Variants in HS3ST4 observed in about 807,000 individuals in gnomAD.
HS3ST4 encodes the protein heparan sulfate glucosamine 3-O-sulfotransferase 4.
In HS3ST4, 17 loss-of-function variants were observed where a neutral mutation model predicts 29.2. That is an observed-to-expected ratio of 0.58 (90% confidence interval 0.40 to 0.87). HS3ST4 has a LOEUF of 0.87. Among genes scored for constraint, HS3ST4 ranks in the 40% least tolerant of loss-of-function variants. The pLI is 0.00. For missense variants in HS3ST4, 627 were observed against 634.5 expected, an observed-to-expected ratio of 0.99 and a Z score of 0.13; for synonymous variants, 314 against 285.7, an observed-to-expected ratio of 1.10 and a Z score of -1.00.
chr16:25,932,301 A>G (rs1327071305), intron 1 of HS3ST4, among the ~76,000 whole-genome samples: 1 of 152,192 alleles, frequency 6.6e-6, no homozygotes, highest in Admixed American at 6.5e-5. Flanking sequence ...CTGCAGGGCA[A>G]GACCTTGTCT....
At chr16:25,886,576 G>T (rs987060566) in intron 1 of HS3ST4, among the ~76,000 whole-genome samples, 3 of 152,196 alleles carry the variant, frequency 2.0e-5, no homozygotes, top group African/African-American at 7.2e-5. Context: ...TCTTTAGGGT[G>T]AGAAAGTTCT....
intron 1 of HS3ST4, among the ~76,000 whole-genome samples, chr16:26,077,825 C>A (rs1898680173): frequency 6.6e-6 from 1 of 152,244 alleles, no homozygotes; most frequent in South Asian, 2.1e-4. Flanking sequence ...AATTCCAACA[C>A]TTTAGGAATC....
At chr16:26,118,895 A>G (rs1205907321) in intron 1 of HS3ST4, among the ~76,000 whole-genome samples, 3 of 152,356 alleles carry the variant, frequency 2.0e-5, no homozygotes, top group East Asian at 3.9e-4. Context: ...TTTTTGTAAC[A>G]TAATGAGACA....
In HS3ST4 at chr16:25,869,258, G is replaced by A. The variant is rs556428227; in HGVS notation, c.734+176107G>A. Among the ~76,000 whole-genome samples the A allele has an allele frequency of 3.9e-5, 6 of 152,164 alleles. No homozygotes were observed. In the East Asian group the frequency reaches 9.7e-4, roughly 25 times the overall value. ...TGGTGTGGGTTCACAGCTTCCCCTA[G>A]AGGAAGAGAGAGTCTGGAAAGTCTG... is the stretch of plus-strand genomic sequence containing the variant. On this transcript the variant is annotated intron_variant, in intron 1 of 1. Transcript: ENST00000331351.
At chr16:25,737,021 G>A (rs1433366589) in intron 1 of HS3ST4, among the ~76,000 whole-genome samples, 1 of 151,710 alleles carries the variant, frequency 6.6e-6, no homozygotes, top group Non-Finnish European at 1.5e-5. Flanking sequence ...GCTAATTTTT[G>A]TATTTTTGTA....
chr16:25,938,726 C>T (rs960767415), intron 1 of HS3ST4, among the ~76,000 whole-genome samples: 1 of 152,168 alleles, frequency 6.6e-6, no homozygotes, highest in Non-Finnish European at 1.5e-5. Context: ...TTTTCCATGT[C>T]CCCTGTCTAC....
chr16:26,062,479 C>T (rs1368946507), intron 1 of HS3ST4, among the ~76,000 whole-genome samples: 8 of 152,162 alleles, frequency 5.3e-5, no homozygotes, highest in Non-Finnish European at 1.2e-4. Context: ...CCGACTTTGC[C>T]TTATTCATCC....
At chr16:25,945,131 G>A (rs547911583) in intron 1 of HS3ST4, among the ~76,000 whole-genome samples, 1 of 152,224 alleles carries the variant, frequency 6.6e-6, no homozygotes, top group African/African-American at 2.4e-5. Flanking sequence ...ATAGTATAAT[G>A]TATCAGACCA....
intron 1 of HS3ST4, among the ~76,000 whole-genome samples, chr16:26,022,252 A>G (rs767707035): frequency 3.3e-5 from 5 of 152,208 alleles, no homozygotes; most frequent in Admixed American, 6.5e-5. Flanking sequence ...TCTATGCATT[A>G]GCCATGGCAA....
chr16:26,133,441 T>G (rs936305311), intron 1 of HS3ST4, among the ~76,000 whole-genome samples: 1 of 152,210 alleles, frequency 6.6e-6, no homozygotes, highest in African/African-American at 2.4e-5. Flanking sequence ...TTCCTCCAAA[T>G]TAGACAAATT....
At chr16:25,758,753 T>G (rs1474174845) in intron 1 of HS3ST4, among the ~76,000 whole-genome samples, 1 of 151,960 alleles carries the variant, frequency 6.6e-6, no homozygotes, top group Admixed American at 6.6e-5. Flanking sequence ...GTTGGGAGTT[T>G]GAAACCAGCC....
chr16:25,994,138 A>G (rs954214121), intron 1 of HS3ST4, among the ~76,000 whole-genome samples: 5 of 152,068 alleles, frequency 3.3e-5, no homozygotes, highest in African/African-American at 1.2e-4. Context: ...TCCAAATACC[A>G]TCACATTTGG....
chr16:25,865,600 CA>C (rs921407694), intron 1 of HS3ST4, among the ~76,000 whole-genome samples: 2 of 152,170 alleles, frequency 1.3e-5, no homozygotes, highest in Non-Finnish European at 2.9e-5. Context: ...ATCAAATCTG[CA>C]TGGTACTGGG....
At chr16:25,824,947 C>G (rs1359895367) in intron 1 of HS3ST4, 3 of 152,152 alleles carry the variant, frequency 2.0e-5, no homozygotes, top group Non-Finnish European at 2.9e-5. Flanking sequence ...GTGAATGTAG[C>G]CTCATTTGGA....
chr16:25,778,901 A>C (rs56253328), intron 1 of HS3ST4, among the ~76,000 whole-genome samples: 28,348 of 152,130 alleles, frequency 0.19, 3,512 homozygotes, highest in Non-Finnish European at 0.27. Context: ...TTGCAAATCA[A>C]ATCTTACCTG....
At position 26,107,351 on chromosome 16, in the gene HS3ST4, AAC is replaced by A. The variant is rs144609224; in HGVS notation, c.735-28243_735-28242del. Among the ~76,000 whole-genome samples the A allele has an allele frequency of 2.2e-4, 33 of 149,480 alleles. 1 individual carries two copies. The highest frequency in any genetic ancestry group is 5.1e-4 in the African/African-American group (21 of 40,912). On this transcript the variant is annotated intron_variant, in intron 1 of 1. Coordinates refer to ENST00000331351, the MANE Select transcript of HS3ST4 (RefSeq NM_006040.3). ...GCCATTAGGCTGAGATTGGCATACAAACACACACACACACACACATATGCACA... is the reference window on the plus strand; with the variant it reads ...GCCATTAGGCTGAGATTGGCATACAAACACACACACACACACATATGCACA...
intron 1 of HS3ST4, among the ~76,000 whole-genome samples, chr16:25,771,006 A>T (rs1397142185): frequency 6.6e-6 from 1 of 151,546 alleles, no homozygotes; most frequent in African/African-American, 2.4e-5. Context: ...AAGTTCTGAG[A>T]TACATGTGCA....
chr16:25,819,839 C>T (rs1289019062), intron 1 of HS3ST4, among the ~76,000 whole-genome samples: 1 of 150,954 alleles, frequency 6.6e-6, no homozygotes, highest in Non-Finnish European at 1.5e-5. Context: ...GGTGAAACCC[C>T]GTCTCTATTA....
intron 1 of HS3ST4, among the ~76,000 whole-genome samples, chr16:25,693,714 A>T (rs934449176): frequency 6.6e-6 from 1 of 152,116 alleles, no homozygotes; most frequent in African/African-American, 2.4e-5. Flanking sequence ...GATGCCTCCC[A>T]CCTCCGTAAC....
Sources: allele counts gnomAD v4.1 joint callset (sites outside exome capture counted in the v4.1 genomes callset), GRCh38; gene constraint gnomAD v4.1.1; transcripts MANE v1.5; gene names NCBI Gene and HGNC (gene_info 2026-07-23, HGNC 2026-07-21).